Variants in ARHGAP6 observed in about 807,000 individuals in gnomAD.
The protein encoded by ARHGAP6 is Rho GTPase activating protein 6.
In ARHGAP6, 16 loss-of-function variants were observed where a neutral mutation model predicts 55.7. The observed-to-expected ratio is 0.29, with a 90% CI of 0.19 to 0.44. The LOEUF (loss-of-function observed/expected upper bound fraction) is 0.44. ARHGAP6 is among the 20% of genes least tolerant of loss of function. The probability of loss-of-function intolerance (pLI) is 1.00; values close to 1 mark genes in which losing one functional copy is unlikely to be tolerated. For synonymous variants in ARHGAP6, 382 were observed against 360.9 expected, an observed-to-expected ratio of 1.06 and a Z score of -0.66; for missense variants, 698 against 808.9, an observed-to-expected ratio of 0.86 and a Z score of 1.66.
chrX:11,396,855 G>A (rs780214430), intron 1 of ARHGAP6, among the ~76,000 whole-genome samples: 26 of 111,280 alleles, frequency 2.3e-4, no homozygotes, highest in Admixed American at 6.7e-4. Context: ...TAGTATGAGC[G>A]CATAGAATAT....
At chrX:11,457,980 G>A (rs972607184) in intron 1 of ARHGAP6, among the ~76,000 whole-genome samples, 4 of 111,842 alleles carry the variant, frequency 3.6e-5, no homozygotes, top group African/African-American at 9.8e-5. Flanking sequence ...GTCTAGTTCT[G>A]GAAAATCCAT....
At chrX:11,216,404 A>G (rs1881171659) in intron 2 of ARHGAP6, among the ~76,000 whole-genome samples, 1 of 111,748 alleles carries the variant, frequency 8.9e-6, no homozygotes, top group African/African-American at 3.3e-5. Flanking sequence ...CTGTAATCCT[A>G]GCATTCTGGG....
chrX:11,227,610 T>C (rs1258746805), intron 2 of ARHGAP6, among the ~76,000 whole-genome samples: 1 of 110,211 alleles, frequency 9.1e-6, no homozygotes, highest in Non-Finnish European at 1.9e-5. Context: ...GTGGTGCCCA[T>C]GTCTCAGTTC....
At chrX:11,374,199 A>G (rs2049174933) in intron 1 of ARHGAP6, among the ~76,000 whole-genome samples, 1 of 111,325 alleles carries the variant, frequency 9.0e-6, no homozygotes, top group Non-Finnish European at 1.9e-5. Context: ...AAGAGAGAGC[A>G]GCTTTAAAAT....
chrX:11,138,682 C>T lies in ARHGAP6; in HGVS notation c.*181G>A. ...TCCTAAGGCTGGCTACGCAATGGAA[C>T]CTTATTCTCAATGGCGGGGGCGTGA... On this transcript the variant is annotated 3_prime_UTR_variant, in exon 13 of 13. Transcript: ENST00000337414. 2 of 502,965 alleles carry T rather than the reference C, an allele frequency of 4.0e-6. No individual in the cohort carries two copies. Among genetic ancestry groups the T allele is most frequent in the Non-Finnish European group, 6.5e-6 (2 of 310,063 alleles). The allele number at this position is 502,965 out of a possible 1,213,427, so 41.4% of individuals were successfully genotyped here.
rs377104087 is a variant in ARHGAP6, at chrX:11,156,493, A to G, written c.1907+36T>C. On this transcript the variant is annotated intron_variant, in intron 10 of 12. Transcript: ENST00000337414. ...TCAGAAATGGAAATAGAAATCTCCAATGCGGCTTTAGAAGATGGAACACTG... is the reference window on the plus strand; with the variant it reads ...TCAGAAATGGAAATAGAAATCTCCAGTGCGGCTTTAGAAGATGGAACACTG... The G allele has an allele frequency of 1.1e-5, 12 of 1,110,639 alleles. No individual in the cohort carries two copies. In the African/African-American group the frequency reaches 1.8e-4, roughly 17 times the overall value. The allele number at this position is 1,110,639 out of a possible 1,213,427, so 91.5% of individuals were successfully genotyped here. A position where few individuals can be genotyped will look rare whatever the true frequency, so the allele number is the denominator to read the frequency against.
intron 1 of ARHGAP6, among the ~76,000 whole-genome samples, chrX:11,297,488 C>T (rs2048106259): frequency 8.9e-6 from 1 of 112,024 alleles, no homozygotes; most frequent in African/African-American, 3.2e-5. Flanking sequence ...ATGAAAAGTG[C>T]TTTGTCAAGT....
At chrX:11,285,727 T>G (rs2047914174) in intron 1 of ARHGAP6, among the ~76,000 whole-genome samples, 1 of 112,409 alleles carries the variant, frequency 8.9e-6, no homozygotes, top group Admixed American at 9.4e-5. Flanking sequence ...AGTCATGATT[T>G]CTTTAGCCCG....
chrX:11,530,123 C>A (rs921984522), intron 1 of ARHGAP6, among the ~76,000 whole-genome samples: 3 of 111,259 alleles, frequency 2.7e-5, no homozygotes, highest in African/African-American at 9.8e-5. Flanking sequence ...TCTTACAAGA[C>A]CCAGATCAAG....
chrX:11,524,624 G>A (rs1172908813), intron 1 of ARHGAP6, among the ~76,000 whole-genome samples: 2 of 111,192 alleles, frequency 1.8e-5, no homozygotes, highest in East Asian at 5.6e-4. Context: ...GGTCTTTGGG[G>A]GACCGTTCTG....
Position 11,590,877 on chromosome X carries a change from A to AAGAAG in ARHGAP6, c.588+73363_588+73364insCTTCT, listed in dbSNP as rs1569411019. On this transcript the variant is annotated intron_variant, in intron 1 of 12. Coordinates refer to ENST00000337414, the MANE Select transcript of ARHGAP6 (RefSeq NM_013427.3). ...AAAAGAAAAGAAAAGAAGGAAAGAA[A>AAGAAG]GAAAGAAAGAAAGAAAGAAAGAAAG... is the stretch of plus-strand genomic sequence containing the variant. Among the ~76,000 whole-genome samples the AAGAAG allele has an allele frequency of 3.0e-4, 20 of 67,304 alleles. 1 individual carries two copies. Among genetic ancestry groups the AAGAAG allele is most frequent in the Non-Finnish European group, 4.9e-4 (17 of 34,518 alleles). The allele number at this position is 67,304 out of a possible 115,157, so 58.4% of individuals were successfully genotyped here. A position where few individuals can be genotyped will look rare whatever the true frequency, so the allele number is the denominator to read the frequency against.
At chrX:11,482,298 G>A (rs970222516) in intron 1 of ARHGAP6, among the ~76,000 whole-genome samples, 9 of 112,184 alleles carry the variant, frequency 8.0e-5, no homozygotes, top group African/African-American at 2.3e-4. Context: ...GGGGAAAAGA[G>A]GAATGGCACT....
intron 1 of ARHGAP6, among the ~76,000 whole-genome samples, chrX:11,631,636 G>A (rs2052363213): frequency 8.9e-6 from 1 of 111,738 alleles, no homozygotes; most frequent in Non-Finnish European, 1.9e-5. Context: ...CGGGCAAAGG[G>A]AGGCACAAAA....
chrX:11,348,415 A>G, intron 1 of ARHGAP6, among the ~76,000 whole-genome samples: 1 of 111,444 alleles, frequency 9.0e-6, no homozygotes, highest in Non-Finnish European at 1.9e-5. Flanking sequence ...AGTCCCCATC[A>G]TGGGATAGGG....
chrX:11,314,620 A>G (rs1391549845), intron 1 of ARHGAP6, among the ~76,000 whole-genome samples: 2 of 112,111 alleles, frequency 1.8e-5, no homozygotes, highest in African/African-American at 6.5e-5. Context: ...AAAAGATATG[A>G]TCTCATTCTT....
intron 1 of ARHGAP6, among the ~76,000 whole-genome samples, chrX:11,424,645 C>A (rs1416527080): frequency 8.9e-6 from 1 of 111,821 alleles, no homozygotes; most frequent in Non-Finnish European, 1.9e-5. Flanking sequence ...TACCAGGATG[C>A]ACTCTAGCTC....
intron 9 of ARHGAP6, among the ~76,000 whole-genome samples, chrX:11,162,807 T>C (rs773478388): frequency 4.5e-5 from 5 of 112,195 alleles, no homozygotes; most frequent in Non-Finnish European, 5.6e-5. Context: ...CATCAGATTT[T>C]TTCTAAGTTC....
At chrX:11,146,130 C>T (rs1055656002) in intron 10 of ARHGAP6, among the ~76,000 whole-genome samples, 2 of 112,231 alleles carry the variant, frequency 1.8e-5, no homozygotes, top group Non-Finnish European at 3.8e-5. Flanking sequence ...TGTCCCCATC[C>T]CAGCCGATTC....
intron 2 of ARHGAP6, among the ~76,000 whole-genome samples, chrX:11,239,110 A>G (rs1481434603): frequency 1.8e-5 from 2 of 111,146 alleles, no homozygotes; most frequent in African/African-American, 6.5e-5. Flanking sequence ...TGATAAATGT[A>G]CCAAGGTAAT....
Sources: gnomAD v4.1 joint callset for allele counts (sites outside exome capture counted in the v4.1 genomes callset) on GRCh38, gnomAD v4.1.1 for gene constraint, MANE v1.5 for transcripts, NCBI Gene and HGNC (gene_info 2026-07-23, HGNC 2026-07-21) for gene names.